Variants in MTG1 observed in about 807,000 individuals in gnomAD.
MTG1 encodes the protein mitochondrial ribosome associated GTPase 1, also known as mitochondrial ribosome-associated GTPase 1.
MTG1 carries 30 observed loss-of-function variants against 39.5 expected under a neutral mutation model. The observed-to-expected ratio is 0.76, with a 90% confidence interval of 0.57 to 1.03. The LOEUF is 1.03. Ranked by LOEUF, MTG1 falls within the 50% of genes least tolerant of loss-of-function variation. The probability of loss-of-function intolerance (pLI) is 0.00; values close to 1 mark genes in which losing one functional copy is unlikely to be tolerated. For missense variants in MTG1, 513 were observed against 447.4 expected (o/e 1.15, Z -1.32); for synonymous variants, 217 against 179.0 (o/e 1.21, Z -1.69).
chr10:133,396,370 C>G, intron 3 of MTG1, 103 bp downstream of exon 3: 1 of 1,006,796 alleles, frequency 9.9e-7, no homozygotes, highest in South Asian at 1.3e-5. Context: ...TCAGTTTGCC[C>G]AGGCAGGCTC....
At chr10:133,397,841 C>T (rs1243795959) in intron 3 of MTG1, among the ~76,000 whole-genome samples, 2 of 149,542 alleles carry the variant, frequency 1.3e-5, no homozygotes, top group Admixed American at 6.7e-5. Context: ...TACGTCATAT[C>T]AGTGGCAACT....
chr10:133,394,589 C>G (rs927088802), intron 1 of MTG1: 1 of 1,312,398 alleles, frequency 7.6e-7, no homozygotes, highest in Non-Finnish European at 9.7e-7. Context: ...CCTGCTTGAC[C>G]TCCTACCTCT....
Position 133,421,868 on chromosome 10 carries a change from C to T in MTG1, c.*1703C>T, listed in dbSNP as rs1310930983. On this transcript the variant is annotated 3_prime_UTR_variant, in exon 11 of 11. Coordinates refer to ENST00000317502, the MANE Select transcript of MTG1 (RefSeq NM_138384.4). ...GTCCGGCTGAGGGCGAGGCTGTCCC[C>T]AGGACATGGAGAGGGTGAGATCCCA... 1 of 141,212 alleles carries T rather than the reference C, an allele frequency of 7.1e-6. No homozygotes were observed. The highest frequency in any genetic ancestry group is 1.5e-5 in the Non-Finnish European group (1 of 66,148). 8.7% of individuals were successfully genotyped at this position (141,212 alleles called of 1,614,324 possible).
chr10:133,415,112 G>A lies in MTG1; in HGVS notation c.753-4368G>A, dbSNP rs754366506. Among the ~76,000 whole-genome samples the A allele has an allele frequency of 1.0e-3, 159 of 152,340 alleles. 1 individual carries two copies. Among genetic ancestry groups the A allele is most frequent in the Non-Finnish European group, 1.7e-3 (117 of 68,030 alleles). ...GGAGGTTGCAGTGAGCAGAGATGGC[G>A]GCAGTACAGTCCAGCTTCGGCTCGG... On this transcript the variant is annotated intron_variant, in intron 9 of 10. Coordinates refer to ENST00000317502, the MANE Select transcript of MTG1 (RefSeq NM_138384.4).
In MTG1 at chr10:133,420,162, C is replaced by A; in HGVS notation, c.1002C>A (p.Pro334=). 1 of 1,608,506 alleles carries A rather than the reference C, an allele frequency of 6.2e-7. No homozygotes were observed. Residue 334 remains proline (P), a synonymous_variant, in exon 11 of 11, where the codon CCC becomes CCA. Coordinates refer to ENST00000317502, the MANE Select transcript of MTG1 (RefSeq NM_138384.4). ...GCCACCCCCCGGCTGAGACTTTGCC[C>A]TGAACTTGTCCGGGTAGGGAGGGCC... The part of the protein sequence containing the change: ...LRGHPPAETL[P]
At chr10:133,394,818 C>A in intron 1 of MTG1, 1 of 911,256 alleles carries the variant, frequency 1.1e-6, no homozygotes, top group Non-Finnish European at 1.3e-6. Context: ...TGTCACAATT[C>A]GGCCCCAAGA....
chr10:133,402,179 G>C lies in MTG1; in HGVS notation c.604G>C (p.Asp202His). Residue 202 changes from aspartate to histidine, a missense_variant, in exon 8 of 11, where the codon GAC becomes CAC. Coordinates refer to ENST00000317502, the MANE Select transcript of MTG1 (RefSeq NM_138384.4). The surrounding 1 kb of genome is among the most constrained non-coding windows in gnomAD (Gnocchi z 4.7). ...VSERPLMFLL[D>H]TPGVLAPRIE... is the part of the protein sequence containing the mutation. ...TGAGCGGCCCCTGATGTTCCTGTTG[G>C]ACACTCCTGGCGTGCTGGCTCCTCG... The C allele has an allele frequency of 6.2e-7, 1 of 1,613,686 alleles. No homozygotes were observed. Among genetic ancestry groups the C allele is most frequent in the Admixed American group, 1.7e-5 (1 of 60,022 alleles).
chr10:133,394,592 C>A, intron 1 of MTG1: 2 of 1,311,458 alleles, frequency 1.5e-6, no homozygotes, highest in Non-Finnish European at 1.9e-6. Context: ...GCTTGACCTC[C>A]TACCTCTGGC....
chr10:133,409,612 G>C (rs1018304710), intron 9 of MTG1, among the ~76,000 whole-genome samples: 2 of 151,252 alleles, frequency 1.3e-5, no homozygotes, highest in African/African-American at 4.9e-5. Flanking sequence ...CTACGGAGAG[G>C]GGGTGTTGAA....
At chr10:133,413,186 C>T (rs1382029624) in intron 9 of MTG1, among the ~76,000 whole-genome samples, 2 of 152,224 alleles carry the variant, frequency 1.3e-5, no homozygotes, top group African/African-American at 4.8e-5. Context: ...TGTTGTCTCA[C>T]TGCAACCTCC....
intron 7 of MTG1, chr10:133,401,873 GC>G: frequency 3.3e-6 from 2 of 606,498 alleles, no homozygotes; most frequent in South Asian, 2.0e-5. Context: ...TGAGTGTGGC[GC>G]CCCCCGCCCC....
intron 1 of MTG1, among the ~76,000 whole-genome samples, chr10:133,395,489 G>GC (rs1406287322): frequency 2.0e-5 from 3 of 152,304 alleles, no homozygotes; most frequent in South Asian, 2.1e-4. Flanking sequence ...TTGACACATG[G>GC]CCCACCCTGT....
Position 133,402,043 on chromosome 10 carries a change from C to T in MTG1, c.574-106C>T. ...CTGCCATGGGGTTGGGTCCCTGAGG[C>T]CTTCCTCGGAGCATTGGGTGCCAGG... is the stretch of plus-strand genomic sequence containing the variant. On this transcript the variant is annotated intron_variant, in intron 7 of 10. Transcript: ENST00000317502. This position sits in a 1 kb window ranked among gnomAD's most constrained non-coding sequence, Gnocchi z 4.7. 7.3e-7 allele frequency: 1 copy of T among 1,367,324 alleles called. No homozygotes were observed. The highest frequency in any genetic ancestry group is 1.7e-5 in the Admixed American group (1 of 58,082). The allele number at this position is 1,367,324 out of a possible 1,614,324, so 84.7% of individuals were successfully genotyped here. A position where few individuals can be genotyped will look rare whatever the true frequency, so the allele number is the denominator to read the frequency against.
At chr10:133,395,089 T>C (rs749711283) in intron 1 of MTG1, among the ~76,000 whole-genome samples, 19 of 152,168 alleles carry the variant, frequency 1.2e-4, no homozygotes, top group Non-Finnish European at 2.5e-4. Flanking sequence ...CTCTGTGTTA[T>C]AGCCCAGATT....
At position 133,399,597 on chromosome 10, in the gene MTG1, C is replaced by A. The variant is rs1030728471; in HGVS notation, c.489C>A (p.Leu163=). ...GCAAGTCCTCCCTCATCAACTCCCT[C>A]CGGAGGCAGCACCTCAGGAAAGGTA... is the stretch of plus-strand genomic sequence containing the variant. ...NVGKSSLINS[L]RRQHLRKGKA... Residue 163 remains leucine (L), a synonymous_variant, in exon 6 of 11, where the codon CTC becomes CTA. Transcript: ENST00000317502. The A allele has an allele frequency of 5.6e-6, 9 of 1,614,102 alleles. No individual in the cohort carries two copies. Among genetic ancestry groups the A allele is most frequent in the Non-Finnish European group, 6.8e-6 (8 of 1,180,044 alleles).
intron 9 of MTG1, among the ~76,000 whole-genome samples, chr10:133,415,197 G>A (rs1182838649): frequency 6.7e-6 from 1 of 149,852 alleles, no homozygotes; most frequent in Non-Finnish European, 1.5e-5. Flanking sequence ...GAGAGGGAGC[G>A]GAGCGGGAGC....
At chr10:133,394,361 A>G (rs1849747402) in intron 1 of MTG1, 29 bp downstream of exon 1, 1 of 1,451,860 alleles carries the variant, frequency 6.9e-7, no homozygotes, top group Non-Finnish European at 9.1e-7. Context: ...GGGCAAGGTC[A>G]TGCCTACGGC....
intron 3 of MTG1, among the ~76,000 whole-genome samples, chr10:133,397,120 G>A (rs541207811): frequency 6.4e-4 from 97 of 152,266 alleles, no homozygotes; most frequent in African/African-American, 2.0e-3. Context: ...CTCCTAGTCC[G>A]CCTTGATGTT....
At chr10:133,409,836 T>G (rs575985233) in intron 9 of MTG1, among the ~76,000 whole-genome samples, 2 of 152,302 alleles carry the variant, frequency 1.3e-5, no homozygotes, top group South Asian at 2.1e-4. Context: ...TTGCTGCTCC[T>G]GCTCTTTATA....
Sources: allele counts gnomAD v4.1 joint callset (sites outside exome capture counted in the v4.1 genomes callset), GRCh38; gene constraint gnomAD v4.1.1; non-coding constraint Gnocchi (gnomAD v3.1); transcripts MANE v1.5; gene names NCBI Gene and HGNC (gene_info 2026-07-23, HGNC 2026-07-21).